Variants in MGAT4C observed in about 807,000 individuals in gnomAD.
MGAT4C encodes the protein alpha-1,3-mannosyl-glycoprotein 4-beta-N-acetylglucosaminyltransferase C.
In MGAT4C, 19 loss-of-function variants were observed where a neutral mutation model predicts 40.1. The ratio of observed to expected loss-of-function variants is 0.47; its 90% CI spans 0.33 to 0.70. MGAT4C has a LOEUF of 0.70. Among genes scored for constraint, MGAT4C ranks in the 30% least tolerant of loss-of-function variants. The pLI, the probability that MGAT4C is intolerant of heterozygous loss-of-function variation, is 0.02. For missense variants in MGAT4C, 491 were observed against 563.2 expected, an observed-to-expected ratio of 0.87 and a Z score of 1.30; for synonymous variants, 181 against 187.1, an observed-to-expected ratio of 0.97 and a Z score of 0.27.
Position 85,958,639 on chromosome 12 carries a change from T to C in MGAT4C, c.*20650A>G, listed in dbSNP as rs1479848968. ...ATTTTATCTACCTGTTCAGTAAGTGTTGGCAACTATGAATTAATCTTTGAC... is the reference window on the plus strand; with the variant it reads ...ATTTTATCTACCTGTTCAGTAAGTGCTGGCAACTATGAATTAATCTTTGAC... On this transcript the variant is annotated 3_prime_UTR_variant, in exon 5 of 5. Coordinates refer to ENST00000611864, the MANE Select transcript of MGAT4C (RefSeq NM_001351288.2). 1 of 152,114 alleles carries C rather than the reference T, an allele frequency of 6.6e-6. No homozygotes were observed. Among genetic ancestry groups the C allele is most frequent in the Admixed American group, 6.6e-5 (1 of 15,242 alleles). 9.4% of individuals were successfully genotyped at this position (152,114 alleles called of 1,614,324 possible). A position where few individuals can be genotyped will look rare whatever the true frequency, so the allele number is the denominator to read the frequency against.
chr12:86,493,470 A>G (rs1368924724), intron 2 of MGAT4C, among the ~76,000 whole-genome samples: 1 of 152,172 alleles, frequency 6.6e-6, no homozygotes, highest in Admixed American at 6.6e-5. Flanking sequence ...TGCAGCCATA[A>G]AAAATGATGA....
At chr12:86,446,818 T>C (rs546761608) in intron 2 of MGAT4C, among the ~76,000 whole-genome samples, 2 of 150,482 alleles carry the variant, frequency 1.3e-5, no homozygotes, top group Middle Eastern at 6.9e-3. Flanking sequence ...TGTGTAATCA[T>C]CTATGAGAGG....
chr12:86,024,132 T>C (rs1890039234), intron 2 of MGAT4C, among the ~76,000 whole-genome samples: 1 of 151,924 alleles, frequency 6.6e-6, no homozygotes, highest in South Asian at 2.1e-4. Flanking sequence ...CTATATTTTG[T>C]ACTTTTTAAA....
chr12:86,166,390 G>A (rs545969044), intron 1 of MGAT4C, among the ~76,000 whole-genome samples: 12 of 152,288 alleles, frequency 7.9e-5, no homozygotes, highest in South Asian at 6.2e-4. Flanking sequence ...CTACTAAGCC[G>A]GGTGGGTGCG....
At chr12:86,090,516 A>C (rs1250974332) in intron 1 of MGAT4C, among the ~76,000 whole-genome samples, 1 of 151,818 alleles carries the variant, frequency 6.6e-6, no homozygotes, top group African/African-American at 2.4e-5. Context: ...GAGTGTAAAT[A>C]TTAATGTTGC....
chr12:86,268,700 C>CATAT (rs144630648), intron 4 of MGAT4C, among the ~76,000 whole-genome samples: 5 of 145,254 alleles, frequency 3.4e-5, no homozygotes, highest in Non-Finnish European at 6.0e-5. Flanking sequence ...TATATATACA[C>CATAT]ATATATATAT....
chr12:86,785,795 A>G (rs188964763), intron 1 of MGAT4C, among the ~76,000 whole-genome samples: 1 of 151,294 alleles, frequency 6.6e-6, no homozygotes, highest in South Asian at 2.1e-4. Flanking sequence ...ATAATGTAAT[A>G]TAATATAACA....
chr12:86,751,153 A>G (rs1360269322), intron 1 of MGAT4C, among the ~76,000 whole-genome samples: 2 of 151,998 alleles, frequency 1.3e-5, no homozygotes, highest in African/African-American at 4.8e-5. Context: ...AGTTCCAACA[A>G]AATCCACTGG....
At chr12:86,283,665 T>C (rs1953276862) in intron 4 of MGAT4C, among the ~76,000 whole-genome samples, 2 of 152,120 alleles carry the variant, frequency 1.3e-5, no homozygotes, top group Non-Finnish European at 2.9e-5. Context: ...TGTTTGTTGA[T>C]TGTTTTTAGA....
At chr12:86,126,243 C>G (rs1399688914) in intron 1 of MGAT4C, among the ~76,000 whole-genome samples, 1 of 151,448 alleles carries the variant, frequency 6.6e-6, no homozygotes, top group Non-Finnish European at 1.5e-5. Flanking sequence ...AATAAAGTGT[C>G]TCATATTACT....
In MGAT4C at chr12:85,961,058, T is replaced by C. The variant is rs1883086889; in HGVS notation, c.*18231A>G. ...ATAAATTTGAAAACAATATTCTCCT[T>C]GTAATATATGTGCCACCAGGGCAAG... On this transcript the variant is annotated 3_prime_UTR_variant, in exon 5 of 5. Transcript: ENST00000611864. The C allele has an allele frequency of 6.6e-6, 1 of 151,972 alleles. No individual in the cohort carries two copies. Among genetic ancestry groups the C allele is most frequent in the Non-Finnish European group, 1.5e-5 (1 of 67,856 alleles). The allele number at this position is 151,972 out of a possible 1,614,324, so 9.4% of individuals were successfully genotyped here. A position where few individuals can be genotyped will look rare whatever the true frequency, so the allele number is the denominator to read the frequency against.
chr12:86,790,051 G>A (rs1413327780), intron 1 of MGAT4C, among the ~76,000 whole-genome samples: 1 of 152,026 alleles, frequency 6.6e-6, no homozygotes, highest in African/African-American at 2.4e-5. Flanking sequence ...CAAACCACAT[G>A]TACTGAAAGT....
At chr12:86,783,000 A>T (rs1483943177) in intron 1 of MGAT4C, among the ~76,000 whole-genome samples, 2 of 152,212 alleles carry the variant, frequency 1.3e-5, no homozygotes, top group African/African-American at 4.8e-5. Flanking sequence ...CAGACCTAGT[A>T]AGGACTGTGT....
intron 3 of MGAT4C, among the ~76,000 whole-genome samples, chr12:86,399,401 C>A (rs1287302946): frequency 2.0e-5 from 3 of 152,010 alleles, no homozygotes; most frequent in African/African-American, 4.8e-5. Context: ...CCTGCCTCAG[C>A]CTCCCGAGTA....
chr12:86,339,234 G>C (rs1954856380), intron 3 of MGAT4C, among the ~76,000 whole-genome samples: 1 of 152,128 alleles, frequency 6.6e-6, no homozygotes, highest in African/African-American at 2.4e-5. Context: ...TCCAGAGTCT[G>C]TGCATTTAGC....
At chr12:86,262,667 A>G (rs1952685047) in intron 4 of MGAT4C, among the ~76,000 whole-genome samples, 1 of 152,026 alleles carries the variant, frequency 6.6e-6, no homozygotes, top group Non-Finnish European at 1.5e-5. Context: ...TCATATATAG[A>G]TATTCTAGTA....
chr12:86,403,571 A>C (rs1251526506), intron 3 of MGAT4C, among the ~76,000 whole-genome samples: 2 of 152,144 alleles, frequency 1.3e-5, no homozygotes, highest in African/African-American at 4.8e-5. Context: ...CTGAATTTTT[A>C]CATTTAAATT....
At chr12:86,696,112 T>G (rs376091728) in intron 2 of MGAT4C, among the ~76,000 whole-genome samples, 3 of 151,746 alleles carry the variant, frequency 2.0e-5, no homozygotes, top group African/African-American at 7.3e-5. Context: ...CTGGGGAGGC[T>G]AAGGCAGGAG....
At chr12:86,419,642 C>T (rs1230795203) in intron 3 of MGAT4C, among the ~76,000 whole-genome samples, 1 of 151,976 alleles carries the variant, frequency 6.6e-6, no homozygotes, top group Non-Finnish European at 1.5e-5. Context: ...AAAAATAGAG[C>T]AATGGATAGT....
Sources: allele counts gnomAD v4.1 joint callset (sites outside exome capture counted in the v4.1 genomes callset), GRCh38; gene constraint gnomAD v4.1.1; transcripts MANE v1.5; gene names NCBI Gene and HGNC (gene_info 2026-07-23, HGNC 2026-07-21).